The following SPTA1 variants were observed in gnomAD, a reference collection of about 807,000 sequenced individuals.
SPTA1 encodes spectrin alpha chain, erythrocytic 1.
SPTA1 carries 177 observed loss-of-function variants against 324.7 expected under a neutral mutation model. The observed-to-expected ratio is 0.55, with a 90% CI of 0.48 to 0.62. SPTA1 has a LOEUF of 0.62. Ranked by LOEUF, SPTA1 falls within the 20% of genes least tolerant of loss-of-function variation. The pLI is 0.00. For missense variants in SPTA1, 3,162 were observed against 2,883.6 expected (o/e 1.10, Z -2.21); for synonymous variants, 1,195 against 1,041.3 (o/e 1.15, Z -2.84).
chr1:158,685,263 T>G lies in SPTA1; in HGVS notation c.109A>C (p.Ser37Arg). ...CTCTCAGCGACCCGCTCCTTGAAAC[T>G]TTGATACCGAGTCAACACTTCCTGA... is the stretch of plus-strand genomic sequence containing the variant. ...RRQEVLTRYQ[S>R]FKERVAERGQ... Residue 37 changes from serine (S) to arginine (R), a missense_variant, in exon 2 of 52, where the codon AGT (serine) becomes CGT (arginine). By Grantham distance (110) the Ser-to-Arg change is moderately radical (BLOSUM62 -1). Coordinates refer to ENST00000643759, the MANE Select transcript of SPTA1 (RefSeq NM_003126.4). The G allele has an allele frequency of 6.2e-7, 1 of 1,613,824 alleles. No individual in the cohort carries two copies. The highest frequency in any genetic ancestry group is 8.5e-7 in the Non-Finnish European group (1 of 1,179,812).
intron 39 of SPTA1, among the ~76,000 whole-genome samples, chr1:158,629,025 A>G (rs962315614): frequency 2.9e-4 from 44 of 151,974 alleles, no homozygotes; most frequent in African/African-American, 1.0e-3. Flanking sequence ...TTATTCTCAA[A>G]CTGTTTCAAA....
chr1:158,656,651 A>G lies in SPTA1; in HGVS notation c.2811T>C (p.Leu937=). 1 of 1,612,980 alleles carries G rather than the reference A, an allele frequency of 6.2e-7. No homozygotes were observed. The highest frequency in any genetic ancestry group is 8.5e-7 in the Non-Finnish European group (1 of 1,179,302). Residue 937 remains leucine (L), a synonymous_variant, in exon 20 of 52, where the codon CTT becomes CTC. Transcript: ENST00000643759. ...ATAGAAAGGCCTCATGCTTCTTTAG[A>G]AGAGCCTGCATTTATTGATGGAAGA... ...YGADEEAAGA[L]LKKHEAFLLD...
At chr1:158,622,249 T>C (rs1553224077) in intron 43 of SPTA1, among the ~76,000 whole-genome samples, 1 of 152,166 alleles carries the variant, frequency 6.6e-6, no homozygotes, top group Non-Finnish European at 1.5e-5. Flanking sequence ...CATATTTATA[T>C]GGAATTTTAT....
chr1:158,654,848 G>A, intron 20 of SPTA1, 100 bp from the exon 21 acceptor site: 2 of 1,550,028 alleles, frequency 1.3e-6, no homozygotes, highest in Non-Finnish European at 1.8e-6. Flanking sequence ...CAGGAGAAAA[G>A]AGCCTCTGGC....
chr1:158,653,817 C>A (rs1652635622), intron 21 of SPTA1, among the ~76,000 whole-genome samples: 1 of 152,170 alleles, frequency 6.6e-6, no homozygotes, highest in African/African-American at 2.4e-5. Context: ...CTCTTCTATT[C>A]TTCTTGCAGA....
In SPTA1 at chr1:158,622,907, C is replaced by T. The variant is rs1167629915; in HGVS notation, c.6120+76G>A. The T allele has an allele frequency of 6.1e-6, 8 of 1,308,286 alleles. No individual in the cohort carries two copies. The Admixed American group carries it at 1.3e-4, about 22-fold the overall frequency. 81.0% of individuals were successfully genotyped at this position (1,308,286 alleles called of 1,614,324 possible). On this transcript the variant is annotated intron_variant, in intron 43 of 51. Transcript: ENST00000643759. ...TTTTTGTATTATCCAAACTGAGTTT[C>T]CAATATCTGTTTCCGAATTTCATGG...
In SPTA1 at chr1:158,617,530, T is replaced by C; in HGVS notation, c.6600+7A>G. 1 of 1,612,456 alleles carries C rather than the reference T, an allele frequency of 6.2e-7. No homozygotes were observed. Among genetic ancestry groups the C allele is most frequent in the Non-Finnish European group, 8.5e-7 (1 of 1,178,612 alleles). ...ATATCTTCAGTTAATGAAAAAACAATACTTACTTTATTTGCTTCCAGCTGA... is the reference window on the plus strand; with the variant it reads ...ATATCTTCAGTTAATGAAAAAACAACACTTACTTTATTTGCTTCCAGCTGA... On this transcript the variant is annotated splice_region_variant and intron_variant, in intron 47 of 51. Coordinates refer to ENST00000643759, the MANE Select transcript of SPTA1 (RefSeq NM_003126.4).
At chr1:158,635,095 G>A (rs1320384749) in intron 38 of SPTA1, among the ~76,000 whole-genome samples, 1 of 152,032 alleles carries the variant, frequency 6.6e-6, no homozygotes, top group Non-Finnish European at 1.5e-5. Flanking sequence ...AGGAAAAATG[G>A]AACTACAGAC....
intron 15 of SPTA1, 131 bp downstream of exon 15, chr1:158,667,727 A>C: frequency 1.1e-6 from 1 of 944,002 alleles, no homozygotes; most frequent in Admixed American, 2.8e-5. Flanking sequence ...CAATAAAAGA[A>C]AGACACATGG....
At chr1:158,653,801 ATTC>A (rs1652634422) in intron 21 of SPTA1, among the ~76,000 whole-genome samples, 1 of 146,314 alleles carries the variant, frequency 6.8e-6, no homozygotes. Flanking sequence ...TTGCACAAAA[ATTC>A]TTCTCTTCTA....
At chr1:158,648,342 C>A (rs1652151163) in intron 26 of SPTA1, among the ~76,000 whole-genome samples, 167 bp downstream of exon 26, 1 of 152,120 alleles carries the variant, frequency 6.6e-6, no homozygotes, top group Non-Finnish European at 1.5e-5. Context: ...GGGGCATATC[C>A]TTTTCATGGT....
Position 158,644,389 on chromosome 1 carries a change from TGGAACATCTATGA to T in SPTA1, c.4195-6_4201del. On this transcript the variant is annotated splice_acceptor_variant and splice_polypyrimidine_tract_variant and coding_sequence_variant and intron_variant, in exon 30 of 52. Transcript: ENST00000643759. LOFTEE classifies it high-confidence loss of function. ...GCTCTCAACTTGATCACAGTTCCCC[TGGAACATCTATGA>T]GGAATCAAATGAGAGGGGTATGGTA... The T allele has an allele frequency of 6.2e-7, 1 of 1,613,762 alleles. No homozygotes were observed.
chr1:158,672,293 C>A (rs1654083122), intron 10 of SPTA1, 97 bp from the exon 11 acceptor site: 2 of 1,302,438 alleles, frequency 1.5e-6, no homozygotes, highest in Admixed American at 4.1e-5. Flanking sequence ...TTTAAGGATA[C>A]AAAAATAAAC....
rs966818853 is a variant in SPTA1 at position 158,620,100 on chromosome 1, T to C, written c.6417+70A>G. On this transcript the variant is annotated intron_variant, in intron 44 of 51. Transcript: ENST00000643759. ...TAGTGTTCCTTCTATGTCAAAAGTC[T>C]ATTTACTTGGATAATAAAGTGGTTA... The C allele has an allele frequency of 2.5e-6, 4 of 1,573,520 alleles. No individual in the cohort carries two copies. In the African/African-American group the frequency reaches 5.4e-5, roughly 21 times the overall value.
At chr1:158,614,327 ATGAATTTTCCC>A in intron 48 of SPTA1, 21 bp from the exon 49 acceptor site, 5 of 1,428,146 alleles carry the variant, frequency 3.5e-6, no homozygotes, top group Non-Finnish European at 4.9e-6. Context: ...AAAAAAAAAC[ATGAATTTTCCC>A]TGTATATGAA....
At chr1:158,617,967 C>G in intron 46 of SPTA1, 72 bp downstream of exon 46, 2 of 1,421,130 alleles carry the variant, frequency 1.4e-6, no homozygotes, top group Non-Finnish European at 2.0e-6. Context: ...TGTCTCAGCA[C>G]TAACTCTTTC....
intron 18 of SPTA1, 26 bp from the exon 19 acceptor site, chr1:158,657,720 A>G: frequency 1.9e-6 from 3 of 1,607,032 alleles, no homozygotes; most frequent in Non-Finnish European, 2.6e-6. Context: ...AGAAAAGGTG[A>G]GTATGATCCT....
At chr1:158,640,069 G>GT in intron 33 of SPTA1, 62 bp from the exon 34 acceptor site, 1 of 1,611,760 alleles carries the variant, frequency 6.2e-7, no homozygotes, top group East Asian at 2.2e-5. Flanking sequence ...GTGACTACTT[G>GT]AGAGAATAAT....
chr1:158,661,429 CA>C lies in SPTA1; in HGVS notation c.2465-21del, dbSNP rs1353120753. On this transcript the variant is annotated intron_variant, in intron 17 of 51. Coordinates refer to ENST00000643759, the MANE Select transcript of SPTA1 (RefSeq NM_003126.4). ...CCTTTCCTGCAGAGGAAAGGAATTT[CA>C]AAGTTTCGGATTATCCTGGTGTATG... 6.2e-7 allele frequency: 1 copy of C among 1,613,742 alleles called. No individual in the cohort carries two copies. Among genetic ancestry groups the C allele is most frequent in the African/African-American group, 1.3e-5 (1 of 75,008 alleles).
Sources: allele counts gnomAD v4.1 joint callset (sites outside exome capture counted in the v4.1 genomes callset), GRCh38; gene constraint gnomAD v4.1.1; transcripts MANE v1.5; gene names NCBI Gene and HGNC (gene_info 2026-07-23, HGNC 2026-07-21).